The following MATN3 variants were observed in gnomAD, a reference collection of about 807,000 sequenced individuals.
MATN3 encodes matrilin 3.
MATN3 carries 48 observed loss-of-function variants against 45.3 expected under a neutral mutation model. That is an observed-to-expected ratio of 1.06 (90% CI 0.84 to 1.35). The LOEUF (loss-of-function observed/expected upper bound fraction) is 1.35, where lower values mean the gene tolerates loss of function less well. MATN3 is among the 40% of genes most tolerant of loss of function. The pLI is 0.00. For synonymous variants in MATN3, 217 were observed against 245.9 expected (o/e 0.88, Z 1.10); for missense variants, 599 against 628.0 (o/e 0.95, Z 0.49).
At chr2:20,008,432 G>T (rs1673154501) in intron 1 of MATN3, among the ~76,000 whole-genome samples, 1 of 152,146 alleles carries the variant, frequency 6.6e-6, no homozygotes, top group Admixed American at 6.5e-5. Flanking sequence ...GGAAAAAAAG[G>T]TGATTCAAAA....
intron 3 of MATN3, 21 bp downstream of exon 3, chr2:20,003,140 G>A (rs915323670): frequency 1.2e-5 from 20 of 1,612,852 alleles, no homozygotes; most frequent in Middle Eastern, 1.7e-4. Flanking sequence ...ATTCAGTCAC[G>A]GCCCCCTACA....
intron 2 of MATN3, among the ~76,000 whole-genome samples, chr2:20,005,320 C>CA (rs1292552458): frequency 6.6e-6 from 1 of 152,136 alleles, no homozygotes; most frequent in Non-Finnish European, 1.5e-5. Context: ...GGAGAACAAA[C>CA]AGAGTTCTGT....
chr2:20,012,296 C>T lies in MATN3; in HGVS notation c.223+113G>A. 1.3e-6 allele frequency: 1 copy of T among 760,180 alleles called. No homozygotes were observed. Among genetic ancestry groups the T allele is most frequent in the Non-Finnish European group, 1.8e-6 (1 of 560,018 alleles). 47.1% of individuals were successfully genotyped at this position (760,180 alleles called of 1,614,324 possible). ...CCCCACAGGATTCATCCGGGAGGGG[C>T]CTCTTTCCCCCGCACCACGGTCGGC... On this transcript the variant is annotated intron_variant, in intron 1 of 7. Coordinates refer to ENST00000407540, the MANE Select transcript of MATN3 (RefSeq NM_002381.5). The surrounding 1 kb of genome is among the most constrained non-coding windows in gnomAD (Gnocchi z 4.3).
At chr2:20,009,270 T>TAAAAA (rs11365401) in intron 1 of MATN3, among the ~76,000 whole-genome samples, 11 of 130,914 alleles carry the variant, frequency 8.4e-5, no homozygotes, top group African/African-American at 2.5e-4. Flanking sequence ...TTTCTTTCTT[T>TAAAAA]AAAAAAAAAA....
intron 1 of MATN3, among the ~76,000 whole-genome samples, chr2:20,007,684 T>TGACC (rs2103484859): frequency 6.6e-6 from 1 of 152,356 alleles, no homozygotes; most frequent in South Asian, 2.1e-4. Context: ...TTTTGACTTA[T>TGACC]TCATTCACCA....
At chr2:20,004,403 C>G (rs1470525641) in intron 2 of MATN3, among the ~76,000 whole-genome samples, 1 of 152,194 alleles carries the variant, frequency 6.6e-6, no homozygotes, top group Non-Finnish European at 1.5e-5. Flanking sequence ...CACCCACAAG[C>G]ATGGAGTGGG....
intron 3 of MATN3, among the ~76,000 whole-genome samples, chr2:20,002,746 T>G (rs1302212549): frequency 6.6e-6 from 1 of 151,578 alleles, no homozygotes. Flanking sequence ...ACTACAGGCA[T>G]GCACCACCAC....
rs748229812 is a variant in MATN3 at position 20,001,992 on chromosome 2, T to C, written c.1005A>G (p.Glu335=). ...RSGSYHCECY[E]GYTLNEDRKT... is the part of the protein sequence containing the mutation. ...TCCTGTCTTCATTCAAGGTATAACC[T>C]TCATAGCACTCACAATGATAAGAGC... Residue 335 remains glutamate, a synonymous_variant, in exon 4 of 8, where the codon GAA becomes GAG. Coordinates refer to ENST00000407540, the MANE Select transcript of MATN3 (RefSeq NM_002381.5). The C allele has an allele frequency of 2.5e-6, 4 of 1,613,594 alleles. No homozygotes were observed. Among genetic ancestry groups the C allele is most frequent in the South Asian group, 2.2e-5 (2 of 91,024 alleles).
intron 3 of MATN3, 79 bp from the exon 4 acceptor site, chr2:20,002,159 T>TACAC (rs534707164): frequency 0.074 from 52,316 of 706,818 alleles, 1,787 homozygotes; most frequent in East Asian, 0.18. Context: ...CACTTACAGT[T>TACAC]ATACACACAC....
chr2:19,994,138 TAGAAA>T (rs1325452361), intron 7 of MATN3, among the ~76,000 whole-genome samples, 156 bp downstream of exon 7: 1 of 152,202 alleles, frequency 6.6e-6, no homozygotes, highest in Non-Finnish European at 1.5e-5. Flanking sequence ...ATTAAACCAT[TAGAAA>T]AGAACTCTAA....
intron 3 of MATN3, among the ~76,000 whole-genome samples, chr2:20,002,585 C>T (rs1427506821): frequency 1.3e-5 from 2 of 152,012 alleles, no homozygotes; most frequent in South Asian, 2.1e-4. Flanking sequence ...ATCTTGGACC[C>T]GTTTCTTTTC....
chr2:20,005,607 C>T, intron 2 of MATN3, 137 bp downstream of exon 2: 1 of 654,540 alleles, frequency 1.5e-6, no homozygotes, highest in Admixed American at 3.1e-5. Flanking sequence ...TGCACACGTG[C>T]ACACACACAC....
chr2:20,007,454 G>A (rs772167264), intron 1 of MATN3, among the ~76,000 whole-genome samples: 4 of 152,142 alleles, frequency 2.6e-5, no homozygotes, highest in South Asian at 2.1e-4. Flanking sequence ...GCTTAAACCC[G>A]GGAGGTGGAG....
intron 2 of MATN3, 79 bp downstream of exon 2, chr2:20,005,665 A>AGC: frequency 8.2e-7 from 1 of 1,220,146 alleles, no homozygotes; most frequent in East Asian, 2.6e-5. Context: ...ACCAAAAAAG[A>AGC]ATAATACTCT....
chr2:20,006,177 G>A lies in MATN3; in HGVS notation c.357C>T (p.Asp119=). The A allele has an allele frequency of 6.2e-7, 1 of 1,613,960 alleles. No individual in the cohort carries two copies. The highest frequency in any genetic ancestry group is 8.5e-7 in the Non-Finnish European group (1 of 1,179,876). The change falls in exon 2 of 8, where the codon GAC becomes GAT. Residue 119 remains aspartate, a synonymous_variant. Coordinates refer to ENST00000407540, the MANE Select transcript of MATN3 (RefSeq NM_002381.5). ...IIDTLDIGPA[D]TRVAVVNYAS... ...CATAGTTCACCACTGCCACCCGCGT[G>A]TCGGCTGGCCCAATGTCCAGAGTGT...
chr2:19,997,106 G>A (rs1410289587), intron 6 of MATN3, 28 bp downstream of exon 6: 5 of 1,608,960 alleles, frequency 3.1e-6, no homozygotes, highest in Non-Finnish European at 3.4e-6. Flanking sequence ...CCTACCAAAG[G>A]AAATAGCCTT....
intron 1 of MATN3, among the ~76,000 whole-genome samples, chr2:20,010,456 G>C (rs1673200210): frequency 1.3e-5 from 2 of 152,210 alleles, no homozygotes; most frequent in South Asian, 2.1e-4. Context: ...AAAGAGCAGA[G>C]ACTTTGCAGG....
intron 6 of MATN3, among the ~76,000 whole-genome samples, chr2:19,996,057 C>T (rs930850278): frequency 1.3e-5 from 2 of 152,168 alleles, no homozygotes; most frequent in Non-Finnish European, 2.9e-5. Flanking sequence ...GCCTGATAGT[C>T]TCTAAGCTCT....
At chr2:19,997,878 A>G (rs529028341) in intron 5 of MATN3, 2 of 152,362 alleles carry the variant, frequency 1.3e-5, no homozygotes, top group East Asian at 3.9e-4. Flanking sequence ...CACAAATAAC[A>G]TTTCAGGGAC....
Sources: allele counts gnomAD v4.1 joint callset (sites outside exome capture counted in the v4.1 genomes callset), GRCh38; gene constraint gnomAD v4.1.1; non-coding constraint Gnocchi (gnomAD v3.1); transcripts MANE v1.5; gene names NCBI Gene and HGNC (gene_info 2026-07-23, HGNC 2026-07-21).